KCTD8: variants seen among roughly 807,000 people sequenced by gnomAD.
The protein encoded by KCTD8 is BTB/POZ domain-containing protein KCTD8.
In KCTD8, 27 loss-of-function variants were observed where a neutral mutation model predicts 31.5. The observed-to-expected ratio is 0.86, with a 90% CI of 0.63 to 1.18. The LOEUF (loss-of-function observed/expected upper bound fraction) is 1.18, where lower values mean the gene tolerates loss of function less well. KCTD8 is among the 50% of genes most tolerant of loss of function. The probability of loss-of-function intolerance (pLI) is 0.00; values close to 1 mark genes in which losing one functional copy is unlikely to be tolerated. For synonymous variants in KCTD8, 290 were observed against 280.0 expected, an observed-to-expected ratio of 1.04 and a Z score of -0.36; for missense variants, 658 against 647.7, an observed-to-expected ratio of 1.02 and a Z score of -0.17.
intron 1 of KCTD8, among the ~76,000 whole-genome samples, chr4:44,371,520 G>A (rs1025660485): frequency 1.3e-5 from 2 of 152,106 alleles, no homozygotes; most frequent in African/African-American, 4.8e-5. Flanking sequence ...GTAAATGAAT[G>A]GAATATAGGT....
intron 1 of KCTD8, among the ~76,000 whole-genome samples, chr4:44,322,256 C>A (rs1159908324): frequency 6.6e-6 from 1 of 152,040 alleles, no homozygotes; most frequent in Non-Finnish European, 1.5e-5. Context: ...TCCTTGCTAG[C>A]ATTTAATTGC....
In KCTD8 at chr4:44,428,391, C is replaced by T. The variant is rs528238679; in HGVS notation, c.961+19172G>A. Among the ~76,000 whole-genome samples, 19 of 151,596 alleles carry T rather than the reference C, an allele frequency of 1.3e-4. No homozygotes were observed. In the South Asian group the frequency reaches 2.5e-3, roughly 20 times the overall value. ...GCCTTCATGGGGAAAAGAGAAGTGG[C>T]GTAGAAGTCAGGAGCCTAATTTTGC... On this transcript the variant is annotated intron_variant, in intron 1 of 1. Transcript: ENST00000360029.
At chr4:44,195,597 C>A (rs181331857) in intron 1 of KCTD8, among the ~76,000 whole-genome samples, 2 of 152,210 alleles carry the variant, frequency 1.3e-5, no homozygotes, top group East Asian at 3.9e-4. Flanking sequence ...TTTATAATAG[C>A]AATGATATGC....
chr4:44,257,026 T>C (rs1191675623), intron 1 of KCTD8, among the ~76,000 whole-genome samples: 2 of 151,994 alleles, frequency 1.3e-5, no homozygotes, highest in African/African-American at 2.4e-5. Flanking sequence ...AAATACTGTA[T>C]GATCTAATTT....
At chr4:44,211,695 T>C (rs919720240) in intron 1 of KCTD8, among the ~76,000 whole-genome samples, 1 of 152,120 alleles carries the variant, frequency 6.6e-6, no homozygotes, top group African/African-American at 2.4e-5. Context: ...GTAGAAACAA[T>C]ACAACTTTAT....
intron 1 of KCTD8, among the ~76,000 whole-genome samples, chr4:44,362,940 G>GT (rs1577637111): frequency 6.6e-6 from 1 of 151,888 alleles, no homozygotes; most frequent in Non-Finnish European, 1.5e-5. Flanking sequence ...TCTGCTTTAT[G>GT]TTTTTTCTTT....
At chr4:44,445,583 C>T (rs1310980050) in intron 1 of KCTD8, among the ~76,000 whole-genome samples, 3 of 152,004 alleles carry the variant, frequency 2.0e-5, no homozygotes, top group Non-Finnish European at 4.4e-5. Context: ...GCACTTTTTT[C>T]CTAATGTAGA....
At chr4:44,291,468 T>C (rs4371651) in intron 1 of KCTD8, among the ~76,000 whole-genome samples, 151,661 of 152,278 alleles carry the variant, frequency 1, 75,524 homozygotes, top group East Asian at 1. Flanking sequence ...CTTCCTGTCA[T>C]GTTATACAAA....
intron 1 of KCTD8, among the ~76,000 whole-genome samples, chr4:44,348,076 GT>G (rs1481922967): frequency 2.0e-5 from 3 of 152,090 alleles, no homozygotes; most frequent in Admixed American, 2.0e-4. Context: ...TTCCTAATGA[GT>G]GTATCTAGCT....
chr4:44,257,431 G>C (rs1294513772), intron 1 of KCTD8, among the ~76,000 whole-genome samples: 3 of 151,940 alleles, frequency 2.0e-5, no homozygotes, highest in African/African-American at 7.2e-5. Context: ...CAAGGCCCAA[G>C]GGCCTAGCCA....
intron 1 of KCTD8, among the ~76,000 whole-genome samples, chr4:44,297,551 A>G (rs1560418753): frequency 6.6e-6 from 1 of 152,156 alleles, no homozygotes; most frequent in Non-Finnish European, 1.5e-5. Flanking sequence ...ATTAACTTGC[A>G]CTTTAATACA....
chr4:44,182,363 G>GA (rs1713450312), intron 1 of KCTD8, among the ~76,000 whole-genome samples: 1 of 152,242 alleles, frequency 6.6e-6, no homozygotes, highest in Non-Finnish European at 1.5e-5. Context: ...GAAAGGTGGG[G>GA]AAAAGATAGA....
chr4:44,220,797 G>A (rs1254773834), intron 1 of KCTD8, among the ~76,000 whole-genome samples: 1 of 152,128 alleles, frequency 6.6e-6, no homozygotes, highest in Non-Finnish European at 1.5e-5. Context: ...TATTTAGGAT[G>A]AATTCTCTAT....
chr4:44,192,841 C>T (rs950711140), intron 1 of KCTD8, among the ~76,000 whole-genome samples: 1 of 152,148 alleles, frequency 6.6e-6, no homozygotes, highest in Non-Finnish European at 1.5e-5. Context: ...CAGAAGAATA[C>T]GGAGAGATTA....
At chr4:44,334,036 A>G (rs918436032) in intron 1 of KCTD8, among the ~76,000 whole-genome samples, 2 of 152,124 alleles carry the variant, frequency 1.3e-5, no homozygotes, top group Non-Finnish European at 2.9e-5. Flanking sequence ...AGCTAATTTA[A>G]AAGATAGAAA....
At chr4:44,416,668 A>T (rs535271034) in intron 1 of KCTD8, among the ~76,000 whole-genome samples, 55 of 152,234 alleles carry the variant, frequency 3.6e-4, no homozygotes, top group Non-Finnish European at 6.6e-4. Flanking sequence ...TTGCCATGTG[A>T]CACAACATTA....
intron 1 of KCTD8, among the ~76,000 whole-genome samples, chr4:44,189,050 C>T (rs1351356262): frequency 6.6e-6 from 1 of 152,158 alleles, no homozygotes; most frequent in African/African-American, 2.4e-5. Flanking sequence ...TATAAGTGAA[C>T]ATAATATTGT....
chr4:44,303,397 T>G (rs968572886), intron 1 of KCTD8, among the ~76,000 whole-genome samples: 1 of 152,062 alleles, frequency 6.6e-6, no homozygotes, highest in African/African-American at 2.4e-5. Flanking sequence ...CAATTTCAGA[T>G]CCTGTTATTG....
chr4:44,217,454 T>C (rs1577835836), intron 1 of KCTD8, among the ~76,000 whole-genome samples: 1 of 151,800 alleles, frequency 6.6e-6, no homozygotes, highest in East Asian at 1.9e-4. Context: ...GGTAAGAAAA[T>C]AGAATGAATA....
Sources: allele counts gnomAD v4.1 joint callset (sites outside exome capture counted in the v4.1 genomes callset), GRCh38; gene constraint gnomAD v4.1.1; transcripts MANE v1.5; gene names NCBI Gene and HGNC (gene_info 2026-07-23, HGNC 2026-07-21).